RBFOX1: variants seen among roughly 807,000 people sequenced by gnomAD.
RBFOX1 encodes RNA binding fox-1 homolog 1.
RBFOX1 carries 8 observed loss-of-function variants against 57.7 expected under a neutral mutation model. That is an observed-to-expected ratio of 0.14 (90% CI 0.08 to 0.25). The LOEUF is 0.25. Among genes scored for constraint, RBFOX1 ranks in the 10% least tolerant of loss-of-function variants. RBFOX1 has a pLI of 1.00. For missense variants in RBFOX1, 611 were observed against 548.5 expected, an observed-to-expected ratio of 1.11 and a Z score of -1.14; for synonymous variants, 326 against 222.4, an observed-to-expected ratio of 1.47 and a Z score of -4.15.
intron 3 of RBFOX1, among the ~76,000 whole-genome samples, chr16:6,915,340 G>A (rs2072861604): frequency 6.6e-6 from 1 of 152,112 alleles, no homozygotes; most frequent in African/African-American, 2.4e-5. Context: ...CTTTCTGCAG[G>A]GAGGAAGCTT....
chr16:5,283,752 C>T (rs1023295598), intron 1 of RBFOX1, among the ~76,000 whole-genome samples: 2 of 152,178 alleles, frequency 1.3e-5, no homozygotes, highest in African/African-American at 4.8e-5. Context: ...TAGGAAGTAA[C>T]TAACTTGTTT....
At chr16:5,890,437 G>C (rs1335313944) in intron 4 of RBFOX1, among the ~76,000 whole-genome samples, 3 of 152,136 alleles carry the variant, frequency 2.0e-5, no homozygotes, top group African/African-American at 7.2e-5. Flanking sequence ...AGTGGCTCAT[G>C]CCTGTAATCC....
chr16:5,698,207 T>TG (rs1258253489), intron 3 of RBFOX1, among the ~76,000 whole-genome samples: 1 of 152,208 alleles, frequency 6.6e-6, no homozygotes, highest in Non-Finnish European at 1.5e-5. Context: ...CTTCTTACAC[T>TG]GTTCTTGTTT....
intron 4 of RBFOX1, among the ~76,000 whole-genome samples, chr16:7,173,352 C>T (rs1004985214): frequency 2.0e-5 from 3 of 152,172 alleles, no homozygotes; most frequent in Admixed American, 1.3e-4. Context: ...AACAGATGTC[C>T]TTCCAAACTC....
chr16:6,268,993 C>T (rs993891001), intron 1 of RBFOX1, among the ~76,000 whole-genome samples: 43 of 152,152 alleles, frequency 2.8e-4, no homozygotes, highest in African/African-American at 1.0e-3. Flanking sequence ...TTTGTGGGGA[C>T]ATATCTCTCA....
intron 4 of RBFOX1, among the ~76,000 whole-genome samples, chr16:5,912,750 G>C (rs1002324162): frequency 2.6e-5 from 4 of 152,116 alleles, no homozygotes; most frequent in African/African-American, 7.2e-5. Flanking sequence ...CCTTTGTTAA[G>C]AAAAAATAAT....
intron 1 of RBFOX1, chr16:5,260,900 A>T (rs1316498848): frequency 6.6e-6 from 1 of 152,238 alleles, no homozygotes; most frequent in African/African-American, 2.4e-5. Context: ...TCTGAGTCCA[A>T]ATATTAATAT....
chr16:6,896,741 C>G (rs2067015827), intron 3 of RBFOX1, among the ~76,000 whole-genome samples: 1 of 152,156 alleles, frequency 6.6e-6, no homozygotes, highest in Non-Finnish European at 1.5e-5. Flanking sequence ...AATGCGAGGT[C>G]TGTGGATTGC....
rs552922582 is a variant in RBFOX1 at position 5,968,687 on chromosome 16, C to G, written c.351+101352C>G. 2.4e-4 allele frequency among the ~76,000 whole-genome samples: 36 copies of G among 152,090 alleles called. No homozygotes were observed. The South Asian group carries it at 6.9e-3, about 29-fold the overall frequency. ...CCTTGACAAAGGACACTTGAGAACA[C>G]TATTTGCAGGTATACTGTTTGTTTT... On this transcript the variant is annotated intron_variant, in intron 4 of 19. Coordinates refer to the RBFOX1 transcript ENST00000641259.
chr16:5,317,328 G>C (rs906678860), intron 1 of RBFOX1, among the ~76,000 whole-genome samples: 3 of 152,132 alleles, frequency 2.0e-5, no homozygotes, highest in Non-Finnish European at 4.4e-5. Context: ...CACATTCCTG[G>C]CCAGGCGCAG....
intron 13 of RBFOX1, among the ~76,000 whole-genome samples, chr16:7,674,816 C>T (rs543683386): frequency 6.6e-6 from 1 of 152,278 alleles, no homozygotes; most frequent in Admixed American, 6.5e-5. Context: ...AGCAATTCTT[C>T]CCATTTATCG....
intron 3 of RBFOX1, among the ~76,000 whole-genome samples, chr16:6,888,493 C>G (rs2064664441): frequency 1.3e-5 from 2 of 152,068 alleles, no homozygotes; most frequent in Admixed American, 1.3e-4. Flanking sequence ...AAATTAAATT[C>G]CCTTGCAATT....
intron 2 of RBFOX1, among the ~76,000 whole-genome samples, chr16:6,498,402 A>C (rs978840064): frequency 2.0e-5 from 3 of 152,184 alleles, no homozygotes; most frequent in Admixed American, 6.5e-5. Context: ...ATAGAGGAAC[A>C]ATAATCAGGC....
chr16:6,872,245 T>C (rs1292431577), intron 3 of RBFOX1, among the ~76,000 whole-genome samples: 1 of 152,198 alleles, frequency 6.6e-6, no homozygotes, highest in Non-Finnish European at 1.5e-5. Context: ...TTAATAATTG[T>C]TGTGTAAATG....
At chr16:5,285,773 T>G (rs1041998808) in intron 1 of RBFOX1, among the ~76,000 whole-genome samples, 3 of 152,148 alleles carry the variant, frequency 2.0e-5, no homozygotes, top group African/African-American at 7.2e-5. Flanking sequence ...GCAGTTTTTT[T>G]TTGTTGTTGT....
Position 7,649,980 on chromosome 16 carries a change from A to G in RBFOX1, c.758-3835A>G, listed in dbSNP as rs1220966953. Among the ~76,000 whole-genome samples, 11 of 110,926 alleles carry G rather than the reference A, an allele frequency of 9.9e-5. 1 individual carries two copies. Among genetic ancestry groups the G allele is most frequent in the African/African-American group, 1.6e-4 (5 of 31,890 alleles). 72.8% of individuals were successfully genotyped at this position (110,926 alleles called of 152,430 possible). A position where few individuals can be genotyped will look rare whatever the true frequency, so the allele number is the denominator to read the frequency against. On this transcript the variant is annotated intron_variant, in intron 11 of 15. Transcript: ENST00000550418. ...GAGAGGAAGAAGAGGGAGAGGAAGAAGAGCGAGGGGAGAAAGGAAAAGGAG... is the reference window on the plus strand; with the variant it reads ...GAGAGGAAGAAGAGGGAGAGGAAGAGGAGCGAGGGGAGAAAGGAAAAGGAG...
intron 4 of RBFOX1, among the ~76,000 whole-genome samples, chr16:7,482,831 C>G (rs1317150278): frequency 1.3e-5 from 2 of 152,126 alleles, no homozygotes; most frequent in African/African-American, 2.4e-5. Flanking sequence ...GTTCTGTCCC[C>G]AAATCCTGAA....
intron 1 of RBFOX1, among the ~76,000 whole-genome samples, chr16:5,353,008 T>C (rs2065298353): frequency 6.6e-6 from 1 of 152,200 alleles, no homozygotes; most frequent in African/African-American, 2.4e-5. Context: ...TCTGATACTA[T>C]TCTTTATGGC....
chr16:5,993,168 C>G (rs1014181654), intron 4 of RBFOX1, among the ~76,000 whole-genome samples: 1 of 152,196 alleles, frequency 6.6e-6, no homozygotes, highest in Admixed American at 6.5e-5. Context: ...CTTCTGTCCA[C>G]TTACACATGA....
Sources: allele counts gnomAD v4.1 joint callset (sites outside exome capture counted in the v4.1 genomes callset), GRCh38; gene constraint gnomAD v4.1.1; transcripts MANE v1.5; gene names NCBI Gene and HGNC (gene_info 2026-07-23, HGNC 2026-07-21).